The following SLC67A2 variants were observed in gnomAD, a reference collection of about 807,000 sequenced individuals.
SLC67A2 encodes the protein solute carrier family 67 member 2, also known as solute carrier family 67 member A2.
chr2:102,732,226 G>T, the SLC67A2 span: 1 of 1,058,686 alleles, frequency 9.4e-7, no homozygotes, highest in Non-Finnish European at 1.5e-6. Flanking sequence ...CTTACCTTTG[G>T]ATAATATTTG....
At chr2:102,714,693 A>G in the SLC67A2 span, among the ~76,000 whole-genome samples, 1 of 152,208 alleles carries the variant, frequency 6.6e-6, no homozygotes, top group Non-Finnish European at 1.5e-5. Flanking sequence ...CAAGAAAAAA[A>G]CATTAGAGCT....
chr2:102,732,868 C>G, the SLC67A2 span, among the ~76,000 whole-genome samples: 2 of 152,180 alleles, frequency 1.3e-5, no homozygotes, highest in Non-Finnish European at 2.9e-5. Flanking sequence ...AGCTGGTGCA[C>G]TAGGGAAAGG....
chr2:102,732,006 G>C, the SLC67A2 span: 2 of 463,406 alleles, frequency 4.3e-6, no homozygotes, highest in Non-Finnish European at 8.4e-6. Flanking sequence ...CTGTAGGCAG[G>C]AGTCCACATG....
the SLC67A2 span, among the ~76,000 whole-genome samples, chr2:102,728,017 C>T: frequency 1.3e-5 from 2 of 152,092 alleles, no homozygotes; most frequent in African/African-American, 2.4e-5. Flanking sequence ...ACCTGCCCGG[C>T]GTAGCTCCCT....
At chr2:102,722,418 G>A in the SLC67A2 span, among the ~76,000 whole-genome samples, 2 of 152,360 alleles carry the variant, frequency 1.3e-5, no homozygotes, top group South Asian at 4.1e-4. Flanking sequence ...TGTGAGGCAT[G>A]TGCATTACCA....
the SLC67A2 span, among the ~76,000 whole-genome samples, chr2:102,729,986 C>A: frequency 6.6e-6 from 1 of 151,982 alleles, no homozygotes; most frequent in East Asian, 1.9e-4. Context: ...AATATGAGAC[C>A]CCCAGGCCAG....
chr2:102,732,201 T>C, the SLC67A2 span: 6 of 892,970 alleles, frequency 6.7e-6, no homozygotes, highest in South Asian at 8.2e-5. Context: ...GAAATTTGTT[T>C]TATCTCATTT....
the SLC67A2 span, among the ~76,000 whole-genome samples, chr2:102,721,794 T>G: frequency 6.6e-6 from 1 of 152,172 alleles, no homozygotes; most frequent in African/African-American, 2.4e-5. Flanking sequence ...AGTTTTGACC[T>G]CCTGGGCTCA....
the SLC67A2 span, among the ~76,000 whole-genome samples, chr2:102,715,540 T>A: frequency 5.3e-5 from 8 of 152,088 alleles, no homozygotes; most frequent in Non-Finnish European, 8.8e-5. Flanking sequence ...CTTTTCAGAA[T>A]GTTATTCATC....
the SLC67A2 span, chr2:102,736,799 C>T: frequency 1.9e-6 from 3 of 1,610,276 alleles, no homozygotes; most frequent in Non-Finnish European, 2.5e-6. Flanking sequence ...CCCAGTGACC[C>T]CCAAGCTCCA....
At chr2:102,731,787 T>C in the SLC67A2 span, among the ~76,000 whole-genome samples, 33 of 152,242 alleles carry the variant, frequency 2.2e-4, no homozygotes, top group Non-Finnish European at 4.0e-4. Flanking sequence ...TCCTAAGCCC[T>C]GCTGTCTCTT....
the SLC67A2 span, among the ~76,000 whole-genome samples, chr2:102,728,948 G>C: frequency 7.9e-5 from 12 of 151,956 alleles, no homozygotes; most frequent in Non-Finnish European, 1.6e-4. Context: ...TCAAAACAGG[G>C]GCTGACACAT....
chr2:102,731,947 A>T, the SLC67A2 span: 2 of 330,608 alleles, frequency 6.0e-6, no homozygotes, highest in African/African-American at 4.4e-5. Context: ...ACGAGATGTG[A>T]TTTCTGTAGA....
At chr2:102,727,078 G>C in the SLC67A2 span, 1 of 1,300,648 alleles carries the variant, frequency 7.7e-7, no homozygotes. Context: ...GGAAGATTCA[G>C]TGTCAGATCC....
chr2:102,718,581 C>T, the SLC67A2 span: 3 of 1,613,160 alleles, frequency 1.9e-6, no homozygotes, highest in South Asian at 3.3e-5. Flanking sequence ...ATGATGCGGC[C>T]CACTGCAGTC....
the SLC67A2 span, among the ~76,000 whole-genome samples, chr2:102,730,611 C>T: frequency 6.0e-5 from 9 of 150,004 alleles, no homozygotes; most frequent in Non-Finnish European, 1.3e-4. Context: ...GGTGCGATCT[C>T]GGCTCACTGC....
At chr2:102,718,475 G>A in the SLC67A2 span, 1 of 1,614,152 alleles carries the variant, frequency 6.2e-7, no homozygotes, top group African/African-American at 1.3e-5. Flanking sequence ...CTTGTTTAGA[G>A]ACATTATGAA....
the SLC67A2 span, chr2:102,736,490 T>C: frequency 1.1e-5 from 17 of 1,515,126 alleles, no homozygotes; most frequent in East Asian, 4.8e-5. Flanking sequence ...AAGTGGGTGA[T>C]AGGGCAAGAG....
chr2:102,736,654 C>T, the SLC67A2 span: 1 of 1,613,982 alleles, frequency 6.2e-7, no homozygotes, highest in Non-Finnish European at 8.5e-7. Context: ...ACCAAGAAGC[C>T]CACCAAGTAG....
Sources: allele counts gnomAD v4.1 joint callset (sites outside exome capture counted in the v4.1 genomes callset), GRCh38; gene constraint gnomAD v4.1.1; transcripts MANE v1.5; gene names NCBI Gene and HGNC (gene_info 2026-07-23, HGNC 2026-07-21).